BAHCC1: variants seen among roughly 807,000 people sequenced by gnomAD.
BAHCC1 encodes BAH and coiled-coil domain-containing protein 1.
BAHCC1 carries 43 observed loss-of-function variants against 88.2 expected under a neutral mutation model. The observed-to-expected ratio is 0.49, with a 90% CI of 0.38 to 0.63. The LOEUF (loss-of-function observed/expected upper bound fraction) is 0.63. Ranked by LOEUF, BAHCC1 falls within the 20% of genes least tolerant of loss-of-function variation. The pLI, the probability that BAHCC1 is intolerant of heterozygous loss-of-function variation, is 0.00. For synonymous variants in BAHCC1, 1,510 were observed against 745.5 expected (o/e 2.03, Z -16.71); for missense variants, 3,023 against 1,654.8 (o/e 1.83, Z -14.34).
In BAHCC1 at chr17:81,461,921, C is replaced by G. The variant is rs781883644; in HGVS notation, c.7258C>G (p.Leu2420Val). 5.3e-6 allele frequency: 4 copies of G among 753,064 alleles called. No individual in the cohort carries two copies. Among genetic ancestry groups the G allele is most frequent in the Non-Finnish European group, 9.9e-6 (4 of 405,466 alleles). The allele number at this position is 753,064 out of a possible 1,614,324, so 46.6% of individuals were successfully genotyped here. A position where few individuals can be genotyped will look rare whatever the true frequency, so the allele number is the denominator to read the frequency against. ...ATCCAAGCTCAAGCGCAAAGAGGCC[C>G]TGAGCTTCTCCAAAGCCAAAGAGCT... is the stretch of plus-strand genomic sequence containing the variant. ...SKSKLKRKEALSFSKAKELSR... is the reference protein window; with the variant it reads ...SKSKLKRKEAVSFSKAKELSR... The change falls in exon 26 of 28, where the codon CTG (leucine) becomes GTG (valine). Residue 2420 changes from leucine (L) to valine (V), a missense_variant. Transcript: ENST00000675386.
At position 81,464,970 on chromosome 17, in the gene BAHCC1, C is replaced by T. The variant is rs1310635029; in HGVS notation, c.*1153C>T. On this transcript the variant is annotated 3_prime_UTR_variant, in exon 28 of 28. Coordinates refer to ENST00000675386, the MANE Select transcript of BAHCC1 (RefSeq NM_001377448.1). ...TCCTGAACTGGGCAGGGCTCGGGGC[C>T]TATGAGGGCAGGTTCACAGTCCCAC... The T allele has an allele frequency of 6.6e-6, 1 of 152,188 alleles. No homozygotes were observed. The highest frequency in any genetic ancestry group is 2.4e-5 in the African/African-American group (1 of 41,424). The allele number at this position is 152,188 out of a possible 1,614,324, so 9.4% of individuals were successfully genotyped here.
rs782510733 is a variant in BAHCC1, at chr17:81,445,115, G to A, written c.2772G>A (p.Arg924=). The change falls in exon 9 of 28, where the codon AGG becomes AGA. Residue 924 remains arginine (R), a synonymous_variant. Coordinates refer to ENST00000675386, the MANE Select transcript of BAHCC1 (RefSeq NM_001377448.1). ...CGGGCCAGCTCCCTGTGTACTCGAGGCCGCAGCTCCTCCGGCAGCAGGAGC... is the reference window on the plus strand; with the variant it reads ...CGGGCCAGCTCCCTGTGTACTCGAGACCGCAGCTCCTCCGGCAGCAGGAGC... ...QHPGQLPVYS[R]PQLLRQQELY... is the part of the protein sequence containing the mutation. 6.5e-6 allele frequency: 5 copies of A among 773,660 alleles called. No individual in the cohort carries two copies. The highest frequency in any genetic ancestry group is 2.7e-5 in the South Asian group (2 of 73,326). 47.9% of individuals were successfully genotyped at this position (773,660 alleles called of 1,614,324 possible).
In BAHCC1 at chr17:81,445,536, C is replaced by A. The variant is rs782486920; in HGVS notation, c.3018C>A (p.Pro1006=). ...PPDPKPPASS[P]TPPPRPSAPC... is the part of the protein sequence containing the mutation. ...ACCCAAAGCCCCCCGCCAGCTCCCC[C>A]ACCCCACCACCTCGGCCCAGCGCCC... The change falls in exon 10 of 28, where the codon CCC becomes CCA. Residue 1006 remains proline, a synonymous_variant. Transcript: ENST00000675386. The A allele has an allele frequency of 2.2e-5, 16 of 727,004 alleles. No individual in the cohort carries two copies. Among genetic ancestry groups the A allele is most frequent in the Non-Finnish European group, 3.3e-5 (13 of 392,196 alleles). The allele number at this position is 727,004 out of a possible 1,614,324, so 45.0% of individuals were successfully genotyped here.
Position 81,452,091 on chromosome 17 carries a change from C to T in BAHCC1, c.4300C>T (p.Arg1434Cys), listed in dbSNP as rs782028791. The T allele has an allele frequency of 2.2e-5, 14 of 634,468 alleles. No homozygotes were observed. Among genetic ancestry groups the T allele is most frequent in the East Asian group, 1.9e-4 (7 of 36,548 alleles). 39.3% of individuals were successfully genotyped at this position (634,468 alleles called of 1,614,324 possible). A position where few individuals can be genotyped will look rare whatever the true frequency, so the allele number is the denominator to read the frequency against. ...GCAGCGGGAGCTGGCCCGCCTGCAG[C>T]GCAAGCACGACCATGAGTACGCCTG... ...EKQRELARLQ[R>C]KHDHERDESS... The change falls in exon 13 of 28, where the codon CGC (arginine) becomes TGC (cysteine). Residue 1434 changes from arginine to cysteine, a missense_variant. Coordinates refer to ENST00000675386, the MANE Select transcript of BAHCC1 (RefSeq NM_001377448.1).
rs1555652940 is a variant in BAHCC1 at position 81,442,749 on chromosome 17, G to A, written c.1400G>A (p.Gly467Asp). ...GCGGCCCTCAACCCCCGGCTAAAGG[G>A]CCTCGACTATCTCAGCAGCGCAGGC... ...FEAALNPRLK[G>D]LDYLSSAGPE... The change falls in exon 5 of 28, where the codon GGC becomes GAC. Residue 467 changes from glycine (G) to aspartate (D), a missense_variant. Coordinates refer to ENST00000675386, the MANE Select transcript of BAHCC1 (RefSeq NM_001377448.1). 2 of 778,880 alleles carry A rather than the reference G, an allele frequency of 2.6e-6. No individual in the cohort carries two copies. The highest frequency in any genetic ancestry group is 4.8e-6 in the Non-Finnish European group (2 of 417,662). The allele number at this position is 778,880 out of a possible 1,614,324, so 48.2% of individuals were successfully genotyped here.
chr17:81,412,174 C>T (rs1315937000), intron 2 of BAHCC1, among the ~76,000 whole-genome samples: 8 of 152,242 alleles, frequency 5.3e-5, no homozygotes, highest in Non-Finnish European at 8.8e-5. Flanking sequence ...CTACCCCATC[C>T]GGCCAGCCCT....
rs149444621 is a variant in BAHCC1, at chr17:81,443,902, G to T, written c.2309G>T (p.Arg770Leu). 4.6e-3 allele frequency: 3,261 copies of T among 711,620 alleles called. 10 individuals are homozygous for T. The highest frequency in any genetic ancestry group is 6.2e-3 in the Non-Finnish European group (2,367 of 384,796). The allele number at this position is 711,620 out of a possible 1,614,324, so 44.1% of individuals were successfully genotyped here. A position where few individuals can be genotyped will look rare whatever the true frequency, so the allele number is the denominator to read the frequency against. Residue 770 changes from arginine (R) to leucine (L), a missense_variant, in exon 6 of 28, where the codon CGC becomes CTC. By Grantham distance (102) the Arg-to-Leu change is moderately radical. Transcript: ENST00000675386. ...LCDDRLGLAS[R>L]ELLLQDSKDR... is the part of the protein sequence containing the mutation. The stretch of plus-strand genomic sequence containing the variant: ...GATGACCGCCTGGGGCTTGCCAGCC[G>T]CGAGCTGCTGCTGCAGTGAGAGCTG...
intron 4 of BAHCC1, among the ~76,000 whole-genome samples, chr17:81,440,975 C>T (rs1379260965): frequency 2.0e-5 from 3 of 152,238 alleles, no homozygotes; most frequent in South Asian, 2.1e-4. Context: ...CCAGGAGCTG[C>T]GCCTGCCACC....
In BAHCC1 at chr17:81,461,616, C is replaced by T; in HGVS notation, c.6953C>T (p.Ser2318Phe). The change falls in exon 26 of 28, where the codon TCT (serine) becomes TTT (phenylalanine). Residue 2318 changes from serine (S) to phenylalanine (F), a missense_variant. Transcript: ENST00000675386. ...SRFLARLSVS[S>F]SSSGSSTSSS... ...TTCCTCGCCCGCCTGTCCGTGTCCT[C>T]TTCCTCCTCTGGCTCGTCCACCTCC... 2 of 739,292 alleles carry T rather than the reference C, an allele frequency of 2.7e-6. No individual in the cohort carries two copies. The highest frequency in any genetic ancestry group is 2.5e-5 in the East Asian group (1 of 39,484). 45.8% of individuals were successfully genotyped at this position (739,292 alleles called of 1,614,324 possible). A position where few individuals can be genotyped will look rare whatever the true frequency, so the allele number is the denominator to read the frequency against.
chr17:81,423,301 C>G (rs1555649834), intron 2 of BAHCC1, among the ~76,000 whole-genome samples: 1 of 152,230 alleles, frequency 6.6e-6, no homozygotes, highest in Non-Finnish European at 1.5e-5. Context: ...GGGCTGGGAA[C>G]TGGCTCAGCA....
At chr17:81,409,706 G>T (rs1555647477) in intron 2 of BAHCC1, among the ~76,000 whole-genome samples, 1 of 152,166 alleles carries the variant, frequency 6.6e-6, no homozygotes, top group East Asian at 1.9e-4. Flanking sequence ...GGGAAATCGG[G>T]CCCAGGGAGA....
At chr17:81,449,024 G>A (rs569115508) in intron 11 of BAHCC1, among the ~76,000 whole-genome samples, 10 of 152,346 alleles carry the variant, frequency 6.6e-5, no homozygotes, top group Non-Finnish European at 1.0e-4. Flanking sequence ...ATGAGGAGGC[G>A]TCAGTAGATA....
chr17:81,421,490 G>T (rs1251107395), intron 2 of BAHCC1, among the ~76,000 whole-genome samples: 2 of 152,254 alleles, frequency 1.3e-5, no homozygotes, highest in African/African-American at 4.8e-5. Context: ...GAGTGGGATA[G>T]GGAGGGCCTC....
chr17:81,446,058 G>C (rs929877200), intron 10 of BAHCC1, among the ~76,000 whole-genome samples: 2 of 152,158 alleles, frequency 1.3e-5, no homozygotes, highest in East Asian at 3.9e-4. Context: ...GCAAAGCTGG[G>C]AGAGGGAGGG....
intron 3 of BAHCC1, among the ~76,000 whole-genome samples, chr17:81,431,096 G>A (rs2064256121): frequency 6.6e-6 from 1 of 151,378 alleles, no homozygotes; most frequent in Admixed American, 6.6e-5. Flanking sequence ...CCAGCGTGGG[G>A]GTGGAGGGGC....
At chr17:81,405,393 TTATA>T (rs1555646687) in intron 2 of BAHCC1, among the ~76,000 whole-genome samples, 4 of 152,102 alleles carry the variant, frequency 2.6e-5, no homozygotes, top group Admixed American at 2.0e-4. Context: ...CAGCAGATGT[TTATA>T]TATAGCCACT....
intron 8 of BAHCC1, 32 bp downstream of exon 8, chr17:81,444,858 G>A (rs782182278): frequency 1.2e-5 from 9 of 755,150 alleles, no homozygotes; most frequent in Non-Finnish European, 2.0e-5. Context: ...TGCTGTACTT[G>A]GGGGGTGCTG....
At chr17:81,409,773 C>T (rs1451104262) in intron 2 of BAHCC1, among the ~76,000 whole-genome samples, 1 of 152,202 alleles carries the variant, frequency 6.6e-6, no homozygotes, top group Non-Finnish European at 1.5e-5. Context: ...CACAGGCCGG[C>T]CCTGCAAGCA....
rs1047046879 is a variant in BAHCC1 at position 81,426,877 on chromosome 17, G to A, written c.256G>A (p.Ala86Thr). 3.0e-5 allele frequency: 12 copies of A among 399,422 alleles called. No individual in the cohort carries two copies. The highest frequency in any genetic ancestry group is 8.8e-5 in the Admixed American group (2 of 22,726). The allele number at this position is 399,422 out of a possible 1,614,324, so 24.7% of individuals were successfully genotyped here. ...SFLTSSLGSA[A>T]STHPSGPSSS... ...CCTCACCAGCAGCCTGGGCTCGGCA[G>A]CCTCCACGCACCCCAGCGGCCCCAG... is the stretch of plus-strand genomic sequence containing the variant. Residue 86 changes from alanine (A) to threonine (T), a missense_variant, in exon 3 of 28, where the codon GCC becomes ACC. Transcript: ENST00000675386.
Sources: gnomAD v4.1 joint callset for allele counts (sites outside exome capture counted in the v4.1 genomes callset) on GRCh38, gnomAD v4.1.1 for gene constraint, MANE v1.5 for transcripts, NCBI Gene and HGNC (gene_info 2026-07-23, HGNC 2026-07-21) for gene names.